CSNK2A1: variants seen among roughly 807,000 people sequenced by gnomAD.
CSNK2A1 encodes casein kinase 2 alpha 1.
In CSNK2A1, 10 loss-of-function variants were observed where a neutral mutation model predicts 62.9. That is an observed-to-expected ratio of 0.16 (90% confidence interval 0.10 to 0.27). CSNK2A1 has a LOEUF of 0.27. CSNK2A1 is among the 10% of genes least tolerant of loss of function. The probability of loss-of-function intolerance (pLI) is 1.00; values close to 1 mark genes in which losing one functional copy is unlikely to be tolerated. For synonymous variants in CSNK2A1, 124 were observed against 167.8 expected (o/e 0.74, Z 2.02); for missense variants, 160 against 492.0 (o/e 0.33, Z 6.38).
At chr20:505,905 T>G (rs11697012) in intron 3 of CSNK2A1, 31 of 141,036 alleles carry the variant, frequency 2.2e-4, no homozygotes, top group African/African-American at 6.2e-4. Context: ...GACGGAGTCT[T>G]GCTCTGTCGC....
chr20:480,750 G>C lies in CSNK2A1; in HGVS notation c.*3211C>G, dbSNP rs779719680. 2.0e-5 allele frequency: 3 copies of C among 152,278 alleles called. No homozygotes were observed. Among genetic ancestry groups the C allele is most frequent in the South Asian group, 2.1e-4 (1 of 4,830 alleles). 9.4% of individuals were successfully genotyped at this position (152,278 alleles called of 1,614,324 possible). A position where few individuals can be genotyped will look rare whatever the true frequency, so the allele number is the denominator to read the frequency against. ...CAGTCTTGGGAGAGAATTTGCTGGTGGGACAAAATCAGGTTTTTCAAGAGA... is the reference window on the plus strand; with the variant it reads ...CAGTCTTGGGAGAGAATTTGCTGGTCGGACAAAATCAGGTTTTTCAAGAGA... On this transcript the variant is annotated 3_prime_UTR_variant, in exon 14 of 14. Transcript: ENST00000217244.
rs2019050667 is a variant in CSNK2A1, at chr20:525,090, C to CA, written c.-110+2842dup. Among the ~76,000 whole-genome samples the CA allele has an allele frequency of 1.3e-5, 2 of 152,110 alleles. 1 individual carries two copies. The highest frequency in any genetic ancestry group is 4.1e-4 in the South Asian group (2 of 4,830). The stretch of plus-strand genomic sequence containing the variant: ...CAGTGTTGCACTCCAACCTGGCTGA[C>CA]AGACACTCTGCCTCAAAATCAATCA... On this transcript the variant is annotated intron_variant, in intron 2 of 13. Coordinates refer to ENST00000217244, the MANE Select transcript of CSNK2A1 (RefSeq NM_177559.3).
At chr20:526,211 C>T (rs559107321) in intron 2 of CSNK2A1, among the ~76,000 whole-genome samples, 66 of 152,290 alleles carry the variant, frequency 4.3e-4, no homozygotes, top group Middle Eastern at 3.4e-3. Context: ...GTGGCTCATG[C>T]CTGTAATCCC....
At chr20:532,250 C>T (rs577583750) in intron 1 of CSNK2A1, among the ~76,000 whole-genome samples, 3 of 152,040 alleles carry the variant, frequency 2.0e-5, no homozygotes, top group Middle Eastern at 3.4e-3. Flanking sequence ...CTGCAACCTC[C>T]GCCTCCTGGG....
At chr20:498,601 C>A (rs754729104) in intron 6 of CSNK2A1, 15 of 152,178 alleles carry the variant, frequency 9.9e-5, no homozygotes, top group Non-Finnish European at 2.1e-4. Context: ...TCCTTTCTCC[C>A]TATCTCTGCA....
In CSNK2A1 at chr20:489,022, T is replaced by C. The variant is rs191149847; in HGVS notation, c.724-244A>G. 5.4e-3 allele frequency: 1,905 copies of C among 353,850 alleles called. 8 individuals carry two copies. Among genetic ancestry groups the C allele is most frequent in the Admixed American group, 9.0e-3 (194 of 21,608 alleles). 21.9% of individuals were successfully genotyped at this position (353,850 alleles called of 1,614,324 possible). A position where few individuals can be genotyped will look rare whatever the true frequency, so the allele number is the denominator to read the frequency against. On this transcript the variant is annotated intron_variant, in intron 10 of 13. Transcript: ENST00000217244. ...TTATTTTTCTCCCCTCAAAACCCAA[T>C]TGAAGATGTCACTTCTTTTGGGAAG...
intron 2 of CSNK2A1, chr20:510,406 C>CG (rs1196862576): frequency 6.6e-6 from 1 of 152,026 alleles, no homozygotes; most frequent in Non-Finnish European, 1.5e-5. Flanking sequence ...AACTCCCGAC[C>CG]TCAGGTGATC....
chr20:499,954 TCAG>T lies in CSNK2A1; in HGVS notation c.214-23_214-21del. ...TACTGGCTGAAAGGGGAAAAGTACATCAGCAAAAAAAAAAAAAAAAAATTTTTT... is the reference window on the plus strand; with the variant it reads ...TACTGGCTGAAAGGGGAAAAGTACATCAAAAAAAAAAAAAAAAAATTTTTT... On this transcript the variant is annotated intron_variant, in intron 4 of 13. Coordinates refer to ENST00000217244, the MANE Select transcript of CSNK2A1 (RefSeq NM_177559.3). This position sits in a 1 kb window ranked among gnomAD's most constrained non-coding sequence, Gnocchi z 4.2. 1 of 1,239,256 alleles carries T rather than the reference TCAG, an allele frequency of 8.1e-7. No individual in the cohort carries two copies. The highest frequency in any genetic ancestry group is 1.3e-5 in the South Asian group (1 of 77,050). 76.8% of individuals were successfully genotyped at this position (1,239,256 alleles called of 1,614,324 possible). A position where few individuals can be genotyped will look rare whatever the true frequency, so the allele number is the denominator to read the frequency against.
intron 2 of CSNK2A1, among the ~76,000 whole-genome samples, chr20:517,769 T>C (rs527422713): frequency 7.8e-4 from 119 of 152,258 alleles, no homozygotes; most frequent in African/African-American, 2.8e-3. Context: ...TTATCTTCTA[T>C]AAGAAACACA....
At chr20:528,096 A>G (rs1050039391) in intron 1 of CSNK2A1, 47 bp from the exon 2 acceptor site, 1 of 152,242 alleles carries the variant, frequency 6.6e-6, no homozygotes, top group Non-Finnish European at 1.5e-5. Context: ...TCTTGGATTT[A>G]AAAGACATCA....
chr20:495,398 G>A (rs571657796), intron 8 of CSNK2A1: 4 of 309,690 alleles, frequency 1.3e-5, no homozygotes, highest in South Asian at 3.4e-5. Flanking sequence ...CACTGTACAC[G>A]TAAGAAAAAG....
intron 11 of CSNK2A1, 54 bp from the exon 12 acceptor site, chr20:487,629 A>T: frequency 6.2e-7 from 1 of 1,610,984 alleles, no homozygotes; most frequent in Middle Eastern, 1.7e-4. Flanking sequence ...CAGAAGCCCA[A>T]CATTTCATTC....
At chr20:517,016 G>A (rs2018842103) in intron 2 of CSNK2A1, among the ~76,000 whole-genome samples, 1 of 152,220 alleles carries the variant, frequency 6.6e-6, no homozygotes, top group South Asian at 2.1e-4. Context: ...AGGAAAAGCA[G>A]CTATACAGGA....
At chr20:485,086 AAAAAAAAAAAAAAAAAAAAAAAAATATAT>A (rs1206615526) in intron 13 of CSNK2A1, among the ~76,000 whole-genome samples, 5 of 35,940 alleles carry the variant, frequency 1.4e-4, no homozygotes, top group Non-Finnish European at 2.7e-4. Context: ...AAAAAAAAAA[AAAAAAAAAAAAAAAAAAAAAAAAATATAT>A]ATATATATAT....
chr20:519,653 G>A (rs763568244), intron 2 of CSNK2A1, among the ~76,000 whole-genome samples: 7 of 152,152 alleles, frequency 4.6e-5, no homozygotes, highest in Non-Finnish European at 1.0e-4. Flanking sequence ...ATGAAGCCAA[G>A]TAGTTTAATA....
intron 2 of CSNK2A1, among the ~76,000 whole-genome samples, chr20:519,433 G>A (rs998394964): frequency 6.6e-6 from 1 of 152,222 alleles, no homozygotes; most frequent in Non-Finnish European, 1.5e-5. Context: ...ACAAAGATGA[G>A]TTGGGTGTAA....
At chr20:528,687 C>T (rs941594002) in intron 1 of CSNK2A1, among the ~76,000 whole-genome samples, 5 of 151,524 alleles carry the variant, frequency 3.3e-5, no homozygotes, top group African/African-American at 1.2e-4. Flanking sequence ...GTCTGGAAGT[C>T]CTAAGCTCAA....
At chr20:487,024 G>A (rs1262146015) in intron 12 of CSNK2A1, 1 of 199,692 alleles carries the variant, frequency 5.0e-6, no homozygotes, top group Non-Finnish European at 1.0e-5. Context: ...TTTCACTTAG[G>A]ATGGCACAGG....
intron 8 of CSNK2A1, 188 bp downstream of exon 8, chr20:495,531 G>A (rs1235280145): frequency 1.9e-6 from 1 of 519,176 alleles, no homozygotes; most frequent in African/African-American, 1.9e-5. Context: ...TCCTTCTTGG[G>A]AATATTCTTA....
Sources: gnomAD v4.1 joint callset for allele counts (sites outside exome capture counted in the v4.1 genomes callset) on GRCh38, gnomAD v4.1.1 for gene constraint, Gnocchi (gnomAD v3.1) non-coding constraint, MANE v1.5 for transcripts, NCBI Gene and HGNC (gene_info 2026-07-23, HGNC 2026-07-21) for gene names.